Variants in CNTNAP5 observed in about 807,000 individuals in gnomAD.
CNTNAP5 encodes contactin associated protein family member 5.
CNTNAP5 carries 72 observed loss-of-function variants against 150.2 expected under a neutral mutation model. The ratio of observed to expected loss-of-function variants is 0.48; its 90% CI spans 0.40 to 0.58. The LOEUF is 0.58. Among genes scored for constraint, CNTNAP5 ranks in the 20% least tolerant of loss-of-function variants. The pLI is 0.00. For missense variants in CNTNAP5, 1,636 were observed against 1,626.2 expected (o/e 1.01, Z -0.10); for synonymous variants, 672 against 619.8 (o/e 1.08, Z -1.25).
At chr2:124,783,751 T>G (rs936319677) in intron 17 of CNTNAP5, among the ~76,000 whole-genome samples, 1 of 152,164 alleles carries the variant, frequency 6.6e-6, no homozygotes, top group African/African-American at 2.4e-5. Flanking sequence ...TTAAATAAAT[T>G]CTTCGTTCTG....
intron 1 of CNTNAP5, among the ~76,000 whole-genome samples, chr2:124,095,535 A>G (rs563859475): frequency 1.9e-4 from 29 of 152,222 alleles, no homozygotes; most frequent in African/African-American, 2.9e-4. Context: ...GCAATTGCCA[A>G]TTTCCTTATC....
intron 11 of CNTNAP5, among the ~76,000 whole-genome samples, chr2:124,585,163 A>T (rs1185012582): frequency 6.6e-6 from 1 of 152,194 alleles, no homozygotes; most frequent in Non-Finnish European, 1.5e-5. Flanking sequence ...TGGCTGGTAC[A>T]TGAAGCTGTA....
At chr2:124,181,731 T>G (rs1233675795) in intron 1 of CNTNAP5, among the ~76,000 whole-genome samples, 2 of 152,186 alleles carry the variant, frequency 1.3e-5, no homozygotes, top group African/African-American at 2.4e-5. Context: ...AAATCATGTA[T>G]CTCCTGCCTG....
chr2:124,289,675 G>A (rs1226659398), intron 3 of CNTNAP5, among the ~76,000 whole-genome samples: 1 of 152,150 alleles, frequency 6.6e-6, no homozygotes, highest in African/African-American at 2.4e-5. Flanking sequence ...CTGTAATCCT[G>A]TGAAATAGAT....
intron 2 of CNTNAP5, among the ~76,000 whole-genome samples, chr2:124,240,576 C>T (rs1190251541): frequency 6.6e-6 from 1 of 152,056 alleles, no homozygotes; most frequent in African/African-American, 2.4e-5. Flanking sequence ...ATAAAAAACA[C>T]TTAAAAATCA....
chr2:124,789,933 A>G lies in CNTNAP5; in HGVS notation c.2784A>G (p.Leu928=). ...GGTSSRQKGF[L]GCIRSLHLNG... ...CGTCATCCAGACAGAAAGGCTTCCT[A>G]GGATGCATTCGCTCCTTACACTTGA... Residue 928 remains leucine, a synonymous_variant, in exon 18 of 24, where the codon CTA becomes CTG. Coordinates refer to ENST00000682447, the MANE Select transcript of CNTNAP5 (RefSeq NM_001367498.1). 6.2e-7 allele frequency: 1 copy of G among 1,613,312 alleles called. No homozygotes were observed. Among genetic ancestry groups the G allele is most frequent in the East Asian group, 2.2e-5 (1 of 44,862 alleles).
At chr2:124,772,627 C>T (rs1001987437) in intron 16 of CNTNAP5, among the ~76,000 whole-genome samples, 172 bp from the exon 17 acceptor site, 1 of 152,182 alleles carries the variant, frequency 6.6e-6, no homozygotes, top group Admixed American at 6.5e-5. Context: ...AACAAGTATA[C>T]ACATTTAATT....
intron 7 of CNTNAP5, among the ~76,000 whole-genome samples, chr2:124,476,599 C>T (rs927867185): frequency 1.1e-4 from 16 of 152,208 alleles, no homozygotes; most frequent in South Asian, 4.2e-4. Context: ...TCCTTGTGAT[C>T]GCAGTTGATA....
chr2:124,875,115 C>T (rs970059454), intron 21 of CNTNAP5, among the ~76,000 whole-genome samples: 1 of 152,016 alleles, frequency 6.6e-6, no homozygotes, highest in African/African-American at 2.4e-5. Context: ...CTTTAATTCT[C>T]CCCAATCCCT....
At chr2:124,454,752 T>A (rs1287447250) in intron 6 of CNTNAP5, among the ~76,000 whole-genome samples, 5 of 152,004 alleles carry the variant, frequency 3.3e-5, no homozygotes, top group South Asian at 2.1e-4. Context: ...TTCAAAACCA[T>A]GCAAATACAT....
At chr2:124,139,623 C>G (rs990918830) in intron 1 of CNTNAP5, among the ~76,000 whole-genome samples, 3 of 152,180 alleles carry the variant, frequency 2.0e-5, no homozygotes, top group African/African-American at 4.8e-5. Context: ...CTCCAGAGAC[C>G]GGCGAAGGAG....
intron 1 of CNTNAP5, among the ~76,000 whole-genome samples, chr2:124,126,068 C>G (rs949529003): frequency 6.6e-6 from 1 of 151,978 alleles, no homozygotes; most frequent in Admixed American, 6.6e-5. Context: ...AAGATCAGAG[C>G]AGAACTGAAG....
At chr2:124,655,923 A>AAAAGAGAGAGAGAGAGAGAGAG (rs1678434644) in intron 13 of CNTNAP5, among the ~76,000 whole-genome samples, 1 of 105,932 alleles carries the variant, frequency 9.4e-6, no homozygotes, top group African/African-American at 3.7e-5. Context: ...GAAAGACAGA[A>AAAAGAGAGAGAGAGAGAGAGAG]AGAGAGAGAG....
intron 1 of CNTNAP5, among the ~76,000 whole-genome samples, chr2:124,175,578 T>C (rs1317036006): frequency 6.6e-6 from 1 of 152,160 alleles, no homozygotes; most frequent in Non-Finnish European, 1.5e-5. Context: ...AGGTAGTTTT[T>C]CAGCCCTTGC....
intron 1 of CNTNAP5, among the ~76,000 whole-genome samples, chr2:124,068,015 G>A (rs544474011): frequency 7.9e-5 from 12 of 152,266 alleles, no homozygotes; most frequent in Middle Eastern, 3.4e-3. Context: ...GAGTACACAA[G>A]TGGAGCAAGG....
At chr2:124,121,284 C>G (rs1236320666) in intron 1 of CNTNAP5, among the ~76,000 whole-genome samples, 1 of 152,190 alleles carries the variant, frequency 6.6e-6, no homozygotes, top group East Asian at 1.9e-4. Context: ...TAGGTACAGA[C>G]TGACCCTTTA....
chr2:124,504,433 G>A lies in CNTNAP5; in HGVS notation c.1204G>A (p.Asp402Asn). 1 of 1,613,888 alleles carries A rather than the reference G, an allele frequency of 6.2e-7. No individual in the cohort carries two copies. Among genetic ancestry groups the A allele is most frequent in the Non-Finnish European group, 8.5e-7 (1 of 1,179,854 alleles). The stretch of plus-strand genomic sequence containing the variant: ...TTTCCAGTTTCGAACATGGAACAAG[G>A]ATGGTCTGCTTCTGTCCACAGAGCT... ...VSFQFRTWNKDGLLLSTELSE... is the reference protein window; with the variant it reads ...VSFQFRTWNKNGLLLSTELSE... Residue 402 changes from aspartate to asparagine, a missense_variant, in exon 8 of 24, where the codon GAT becomes AAT. By Grantham distance (23) the Asp-to-Asn change is conservative. Transcript: ENST00000682447.
intron 1 of CNTNAP5, among the ~76,000 whole-genome samples, chr2:124,194,165 C>T (rs527776210): frequency 6.6e-6 from 1 of 151,794 alleles, no homozygotes; most frequent in African/African-American, 2.4e-5. Context: ...CACCTCTCAA[C>T]CCCTCCCCCA....
intron 1 of CNTNAP5, among the ~76,000 whole-genome samples, chr2:124,175,345 G>C (rs968677436): frequency 6.6e-6 from 1 of 152,064 alleles, no homozygotes; most frequent in Non-Finnish European, 1.5e-5. Flanking sequence ...AAGTTTGATT[G>C]AATTAATTAA....
Sources: allele counts gnomAD v4.1 joint callset (sites outside exome capture counted in the v4.1 genomes callset), GRCh38; gene constraint gnomAD v4.1.1; transcripts MANE v1.5; gene names NCBI Gene and HGNC (gene_info 2026-07-23, HGNC 2026-07-21).